MSRA: variants seen among roughly 807,000 people sequenced by gnomAD.
The protein encoded by MSRA is methionine sulfoxide reductase A.
In MSRA, 54 loss-of-function variants were observed where a neutral mutation model predicts 31.3. The observed-to-expected ratio is 1.73, with a 90% CI of 1.39 to 2.17. MSRA has a LOEUF of 2.17. Ranked by LOEUF, MSRA falls within the 30% of genes most tolerant of loss-of-function variation. MSRA has a pLI of 0.00. For missense variants in MSRA, 507 were observed against 300.9 expected (o/e 1.69, Z -5.07); for synonymous variants, 169 against 116.5 (o/e 1.45, Z -2.90).
chr8:10,095,387 C>T (rs932011625), intron 1 of MSRA, among the ~76,000 whole-genome samples: 2 of 152,262 alleles, frequency 1.3e-5, no homozygotes, highest in Admixed American at 6.5e-5. Context: ...TGGCAGAAGT[C>T]GATGCTGTTG....
intron 1 of MSRA, among the ~76,000 whole-genome samples, chr8:10,106,575 C>T (rs909178057): frequency 4.6e-5 from 7 of 152,192 alleles, no homozygotes; most frequent in Admixed American, 4.6e-4. Flanking sequence ...ACACACACCA[C>T]ACACGTTTCA....
At chr8:10,376,967 G>A (rs1249480930) in intron 5 of MSRA, among the ~76,000 whole-genome samples, 1 of 152,216 alleles carries the variant, frequency 6.6e-6, no homozygotes, top group Non-Finnish European at 1.5e-5. Context: ...GGATCAAGAG[G>A]ACTGAATGTT....
At chr8:10,208,007 A>G (rs1188190506) in intron 2 of MSRA, 106 bp downstream of exon 2, 6 of 796,810 alleles carry the variant, frequency 7.5e-6, no homozygotes, top group Middle Eastern at 3.3e-4. Flanking sequence ...GGGCTCTTCT[A>G]GATATTTACA....
At chr8:10,083,690 T>C (rs933451369) in intron 1 of MSRA, among the ~76,000 whole-genome samples, 1 of 152,230 alleles carries the variant, frequency 6.6e-6, no homozygotes, top group Non-Finnish European at 1.5e-5. Flanking sequence ...GAGGTTTTTT[T>C]TTCCTTATTC....
intron 5 of MSRA, among the ~76,000 whole-genome samples, chr8:10,339,046 T>G (rs750596345): frequency 1.3e-5 from 2 of 152,216 alleles, no homozygotes; most frequent in Non-Finnish European, 2.9e-5. Flanking sequence ...TTTTCCATTT[T>G]TTAATTCACT....
intron 1 of MSRA, among the ~76,000 whole-genome samples, chr8:10,151,293 G>T (rs1186839906): frequency 6.7e-6 from 1 of 149,738 alleles, no homozygotes; most frequent in African/African-American, 2.5e-5. Context: ...AAAAAATAAG[G>T]GCTTCCTGTA....
intron 5 of MSRA, among the ~76,000 whole-genome samples, chr8:10,413,330 G>A (rs1470305409): frequency 6.6e-6 from 1 of 152,188 alleles, no homozygotes; most frequent in African/African-American, 2.4e-5. Flanking sequence ...TAACCACACT[G>A]AGACTTCAAT....
At chr8:10,221,793 G>C (rs539701095) in intron 2 of MSRA, among the ~76,000 whole-genome samples, 2 of 151,966 alleles carry the variant, frequency 1.3e-5, no homozygotes, top group African/African-American at 4.8e-5. Context: ...AACATAGTCA[G>C]AGAAGTCATG....
intron 5 of MSRA, among the ~76,000 whole-genome samples, chr8:10,334,353 T>C (rs997085488): frequency 1.3e-5 from 2 of 152,092 alleles, no homozygotes; most frequent in African/African-American, 4.8e-5. Flanking sequence ...TTTGTTGTTC[T>C]GGCAGGTAGA....
chr8:10,218,229 C>T (rs1390222439), intron 2 of MSRA, among the ~76,000 whole-genome samples: 1 of 151,952 alleles, frequency 6.6e-6, no homozygotes, highest in East Asian at 1.9e-4. Flanking sequence ...TCACTGCAAC[C>T]TCTGCCTCCC....
intron 1 of MSRA, among the ~76,000 whole-genome samples, chr8:10,103,607 C>G (rs931765779): frequency 1.3e-5 from 2 of 152,116 alleles, no homozygotes; most frequent in African/African-American, 4.8e-5. Context: ...AGACAATTAT[C>G]TAGTTAGTTT....
chr8:10,137,462 T>A (rs1364022691), intron 1 of MSRA, among the ~76,000 whole-genome samples: 1 of 152,200 alleles, frequency 6.6e-6, no homozygotes, highest in Admixed American at 6.5e-5. Context: ...TTTATTTCCT[T>A]ATTCTGTGCC....
intron 1 of MSRA, among the ~76,000 whole-genome samples, chr8:10,113,950 A>G (rs1800486121): frequency 6.6e-6 from 1 of 152,144 alleles, no homozygotes; most frequent in Admixed American, 6.5e-5. Flanking sequence ...CATACCCTTT[A>G]GCACTCACTC....
At chr8:10,150,712 C>A (rs1334207983) in intron 1 of MSRA, among the ~76,000 whole-genome samples, 3 of 152,152 alleles carry the variant, frequency 2.0e-5, no homozygotes, top group East Asian at 3.9e-4. Context: ...AACAGCCGGC[C>A]TGTTCTGTCC....
At chr8:10,264,879 G>A (rs898061783) in intron 3 of MSRA, among the ~76,000 whole-genome samples, 3 of 152,244 alleles carry the variant, frequency 2.0e-5, no homozygotes, top group Non-Finnish European at 2.9e-5. Flanking sequence ...GGGCCAAATC[G>A]CAGGGTGGGG....
rs538000490 is a variant in MSRA at position 10,285,834 on chromosome 8, A to G, written c.332-15700A>G. Among the ~76,000 whole-genome samples, 20 of 152,284 alleles carry G rather than the reference A, an allele frequency of 1.3e-4. No individual in the cohort carries two copies. The South Asian group carries it at 4.1e-3, about 32-fold the overall frequency. On this transcript the variant is annotated intron_variant, in intron 3 of 5. Transcript: ENST00000317173. ...TAAATGACAGTTTTGTTCTTTTTTT[A>G]AAACAAAATTAAATATTAATTTTAA...
intron 2 of MSRA, among the ~76,000 whole-genome samples, chr8:10,208,916 C>A (rs1263873773): frequency 6.6e-6 from 1 of 152,224 alleles, no homozygotes; most frequent in African/African-American, 2.4e-5. Flanking sequence ...TCAGAACAAC[C>A]TGGTCTATAA....
chr8:10,142,297 C>G (rs1017159544), intron 1 of MSRA, among the ~76,000 whole-genome samples: 2 of 151,962 alleles, frequency 1.3e-5, no homozygotes, highest in South Asian at 2.1e-4. Context: ...AGAAACTTCT[C>G]TAGGCCAACG....
chr8:10,108,801 G>A (rs1327890923), intron 1 of MSRA, among the ~76,000 whole-genome samples: 4 of 144,586 alleles, frequency 2.8e-5, no homozygotes, highest in Admixed American at 7.1e-5. Context: ...ATGAGTTGTT[G>A]GGAAATTTTT....
Sources: gnomAD v4.1 joint callset for allele counts (sites outside exome capture counted in the v4.1 genomes callset) on GRCh38, gnomAD v4.1.1 for gene constraint, MANE v1.5 for transcripts, NCBI Gene and HGNC (gene_info 2026-07-23, HGNC 2026-07-21) for gene names.